The following IL1RAPL2 variants were observed in gnomAD, a reference collection of about 807,000 sequenced individuals.
The protein encoded by IL1RAPL2 is X-linked interleukin-1 receptor accessory protein-like 2.
IL1RAPL2 carries 3 observed loss-of-function variants against 44.1 expected under a neutral mutation model. That is an observed-to-expected ratio of 0.07 (90% CI 0.03 to 0.18). The LOEUF (loss-of-function observed/expected upper bound fraction) is 0.18. Among genes scored for constraint, IL1RAPL2 ranks in the 10% least tolerant of loss-of-function variants. The pLI is 1.00. For missense variants in IL1RAPL2, 391 were observed against 496.4 expected, an observed-to-expected ratio of 0.79 and a Z score of 2.02; for synonymous variants, 181 against 178.8, an observed-to-expected ratio of 1.01 and a Z score of -0.10.
intron 2 of IL1RAPL2, among the ~76,000 whole-genome samples, chrX:104,691,445 C>T (rs1233494672): frequency 8.9e-6 from 1 of 111,979 alleles, no homozygotes; most frequent in East Asian, 2.8e-4. Context: ...ACTCCAAGGG[C>T]CTTGGTCTAT....
At position 104,883,515 on chromosome X, in the gene IL1RAPL2, G is replaced by T. The variant is rs930219422; in HGVS notation, c.82+224520G>T. The stretch of plus-strand genomic sequence containing the variant: ...TGAGCGGAACTCTCGAAGTCATGTT[G>T]CCCAAGCGAGACTCGCCCATCTATT... On this transcript the variant is annotated intron_variant, in intron 2 of 10. Coordinates refer to ENST00000372582, the MANE Select transcript of IL1RAPL2 (RefSeq NM_017416.2). Among the ~76,000 whole-genome samples, 7 of 111,388 alleles carry T rather than the reference G, an allele frequency of 6.3e-5. No homozygotes were observed. The Admixed American group carries it at 6.7e-4, about 11-fold the overall frequency.
intron 2 of IL1RAPL2, among the ~76,000 whole-genome samples, chrX:104,672,037 T>C (rs1381735128): frequency 1.8e-5 from 2 of 111,846 alleles, no homozygotes; most frequent in Non-Finnish European, 3.8e-5. Flanking sequence ...AGGATTCATG[T>C]GGTATGAACT....
chrX:105,703,299 C>T (rs1459211593), intron 6 of IL1RAPL2, among the ~76,000 whole-genome samples: 1 of 111,012 alleles, frequency 9.0e-6, no homozygotes, highest in African/African-American at 3.3e-5. Flanking sequence ...TGGGGCACAA[C>T]TTCACCCTAT....
chrX:105,319,162 T>C (rs6523834), intron 5 of IL1RAPL2, among the ~76,000 whole-genome samples: 4,588 of 111,717 alleles, frequency 0.041, 250 homozygotes, highest in African/African-American at 0.14. Flanking sequence ...TCTTTCTGTG[T>C]TGGCTATGTT....
At chrX:104,727,274 G>A (rs964104976) in intron 2 of IL1RAPL2, among the ~76,000 whole-genome samples, 2 of 110,572 alleles carry the variant, frequency 1.8e-5, no homozygotes, top group African/African-American at 6.6e-5. Context: ...TAAAAAGTGG[G>A]CAAAGGATGT....
chrX:105,215,493 A>G (rs1312981188), intron 3 of IL1RAPL2, among the ~76,000 whole-genome samples: 2 of 111,882 alleles, frequency 1.8e-5, no homozygotes, highest in Non-Finnish European at 3.8e-5. Flanking sequence ...AAAAAAGCCC[A>G]GGACCAGACG....
chrX:104,714,595 ATAAAG>A (rs1931522199), intron 2 of IL1RAPL2, among the ~76,000 whole-genome samples: 1 of 111,283 alleles, frequency 9.0e-6, no homozygotes, highest in Non-Finnish European at 1.9e-5. Context: ...TCTTTTCTTT[ATAAAG>A]TATTCTGTCT....
chrX:105,234,118 A>G (rs1030617041), intron 4 of IL1RAPL2, 114 bp downstream of exon 4: 1 of 516,520 alleles, frequency 1.9e-6, no homozygotes, highest in African/African-American at 2.4e-5. Flanking sequence ...ACTGAGAAGA[A>G]TCAACAGATC....
intron 1 of IL1RAPL2, among the ~76,000 whole-genome samples, chrX:104,590,370 A>G (rs1217650235): frequency 8.9e-6 from 1 of 111,906 alleles, no homozygotes; most frequent in Non-Finnish European, 1.9e-5. Context: ...TCCTTGACAC[A>G]CTTATCAGAC....
intron 2 of IL1RAPL2, among the ~76,000 whole-genome samples, chrX:104,694,054 A>C (rs1931138925): frequency 8.9e-6 from 1 of 112,031 alleles, no homozygotes; most frequent in Non-Finnish European, 1.9e-5. Context: ...GGGGAACCTC[A>C]TATGCAGCTC....
At chrX:105,140,149 G>C (rs971238759) in intron 2 of IL1RAPL2, among the ~76,000 whole-genome samples, 4 of 112,565 alleles carry the variant, frequency 3.6e-5, no homozygotes, top group Non-Finnish European at 5.6e-5. Context: ...AAACACTGTA[G>C]CAGAAAATGT....
At chrX:104,643,963 C>T (rs1929985957) in intron 1 of IL1RAPL2, among the ~76,000 whole-genome samples, 2 of 111,222 alleles carry the variant, frequency 1.8e-5, no homozygotes, top group Admixed American at 1.9e-4. Context: ...CCTCAATTAG[C>T]TGGAGTGTGG....
intron 2 of IL1RAPL2, among the ~76,000 whole-genome samples, chrX:105,002,352 C>T (rs1237298892): frequency 9.0e-6 from 1 of 111,017 alleles, no homozygotes; most frequent in Non-Finnish European, 1.9e-5. Flanking sequence ...GAAGAGCTAA[C>T]ATACATATGA....
chrX:105,024,011 A>C (rs1286723107), intron 2 of IL1RAPL2, among the ~76,000 whole-genome samples: 1 of 111,293 alleles, frequency 9.0e-6, no homozygotes, highest in African/African-American at 3.3e-5. Context: ...AGGATAGAGG[A>C]TGTAGTTGAA....
intron 2 of IL1RAPL2, among the ~76,000 whole-genome samples, chrX:105,063,442 A>G (rs1452718338): frequency 8.9e-6 from 1 of 111,811 alleles, no homozygotes; most frequent in Non-Finnish European, 1.9e-5. Flanking sequence ...TTGTGAGGTC[A>G]TATTTTCCTG....
At chrX:105,409,092 G>T (rs1196770443) in intron 5 of IL1RAPL2, among the ~76,000 whole-genome samples, 1 of 111,167 alleles carries the variant, frequency 9.0e-6, no homozygotes, top group Non-Finnish European at 1.9e-5. Flanking sequence ...CTTTAGAAAT[G>T]CTTAGGTATG....
intron 3 of IL1RAPL2, among the ~76,000 whole-genome samples, chrX:105,216,121 A>G (rs2033856008): frequency 9.0e-6 from 1 of 111,408 alleles, no homozygotes; most frequent in African/African-American, 3.3e-5. Flanking sequence ...GCAATCAAGC[A>G]AGAGAAAGAA....
At chrX:105,403,316 T>C (rs2035618714) in intron 5 of IL1RAPL2, among the ~76,000 whole-genome samples, 1 of 111,850 alleles carries the variant, frequency 8.9e-6, no homozygotes, top group Non-Finnish European at 1.9e-5. Flanking sequence ...GCACAGTTTA[T>C]TAAAGAGATT....
intron 6 of IL1RAPL2, among the ~76,000 whole-genome samples, chrX:105,656,861 A>G (rs2037680899): frequency 8.9e-6 from 1 of 112,554 alleles, no homozygotes; most frequent in Admixed American, 9.4e-5. Flanking sequence ...AAAGAAAGCA[A>G]TAACTCATTG....
Sources: gnomAD v4.1 joint callset for allele counts (sites outside exome capture counted in the v4.1 genomes callset) on GRCh38, gnomAD v4.1.1 for gene constraint, MANE v1.5 for transcripts, NCBI Gene and HGNC (gene_info 2026-07-23, HGNC 2026-07-21) for gene names.